B9D1: variants seen among roughly 807,000 people sequenced by gnomAD.
B9D1 encodes the protein B9 domain-containing protein 1.
B9D1 carries 20 observed loss-of-function variants against 26.1 expected under a neutral mutation model. That is an observed-to-expected ratio of 0.77 (90% CI 0.54 to 1.12). The LOEUF is 1.12. Among genes scored for constraint, B9D1 ranks in the 50% most tolerant of loss-of-function variants. The pLI, the probability that B9D1 is intolerant of heterozygous loss-of-function variation, is 0.00. For missense variants in B9D1, 260 were observed against 273.7 expected, an observed-to-expected ratio of 0.95 and a Z score of 0.35; for synonymous variants, 105 against 103.1, an observed-to-expected ratio of 1.02 and a Z score of -0.11.
At chr17:19,337,641 G>C (rs371538369), downstream of B9D1, 4 of 1,374,458 alleles carry the variant, frequency 2.9e-6, no homozygotes, top group East Asian at 2.5e-5. Context: ...ACATCTCCAG[G>C]TCTCAGCGGC....
At chr17:19,346,578 G>T (rs1263969383) in intron 5 of B9D1, among the ~76,000 whole-genome samples, 1 of 152,216 alleles carries the variant, frequency 6.6e-6, no homozygotes, top group African/African-American at 2.4e-5. Flanking sequence ...GGCCCTCTAA[G>T]CTCCCACTTG....
intron 3 of B9D1, among the ~76,000 whole-genome samples, chr17:19,355,874 TCA>T (rs1457657710): frequency 1.3e-5 from 2 of 152,264 alleles, no homozygotes; most frequent in Admixed American, 6.5e-5. Flanking sequence ...GCCATAATTC[TCA>T]GTCTGTTTTA....
chr17:19,343,024 CCTG>C, downstream of B9D1: 2 of 1,237,780 alleles, frequency 1.6e-6, no homozygotes, highest in Non-Finnish European at 2.1e-6. Context: ...CACATGCCAT[CCTG>C]CTGCACGGTC....
At chr17:19,354,648 T>A (rs1338606760) in intron 3 of B9D1, among the ~76,000 whole-genome samples, 1 of 151,948 alleles carries the variant, frequency 6.6e-6, no homozygotes, top group Non-Finnish European at 1.5e-5. Flanking sequence ...GCCAAAATGG[T>A]GAAACCCCAT....
chr17:19,350,289 T>C (rs945016336), intron 3 of B9D1, among the ~76,000 whole-genome samples: 7 of 152,086 alleles, frequency 4.6e-5, no homozygotes, highest in Non-Finnish European at 1.0e-4. Flanking sequence ...CTCACACCTG[T>C]AATCCCAGCA....
At chr17:19,344,497 T>C (rs2152254956) in intron 5 of B9D1, 2 of 278,208 alleles carry the variant, frequency 7.2e-6, no homozygotes, top group South Asian at 2.8e-5. Context: ...GCCGGGGGTG[T>C]CAGGCCCCGC....
At chr17:19,337,554 C>A, downstream of B9D1, 2 of 620,214 alleles carry the variant, frequency 3.2e-6, no homozygotes, top group South Asian at 2.0e-5. Flanking sequence ...GGACTGGTGG[C>A]AGGGGGTGCC....
intron 3 of B9D1, among the ~76,000 whole-genome samples, chr17:19,352,969 T>C (rs1406418951): frequency 1.8e-4 from 26 of 147,652 alleles, no homozygotes; most frequent in African/African-American, 6.5e-4. Flanking sequence ...CACACAGCCT[T>C]CTTTTACTAC....
At chr17:19,362,387 A>G in intron 1 of B9D1, 120 bp downstream of exon 1, 1 of 729,256 alleles carries the variant, frequency 1.4e-6, no homozygotes, top group Non-Finnish European at 2.2e-6. Context: ...CCCCCGCCTA[A>G]CCGAGAGGCT....
At chr17:19,343,009 C>T (rs949166978), downstream of B9D1, 1 of 1,104,402 alleles carries the variant, frequency 9.1e-7, no homozygotes, top group Non-Finnish European at 1.2e-6. Context: ...TCAAAGCTCC[C>T]ATCCCACATG....
downstream of B9D1, chr17:19,335,640 G>A (rs974541574): frequency 2.1e-6 from 1 of 478,230 alleles, no homozygotes; most frequent in South Asian, 6.7e-5. Flanking sequence ...AGGGACCAGG[G>A]CTGGCCCTGA....
At chr17:19,362,882 A>C (rs113637895), upstream of B9D1, 7,516 of 513,976 alleles carry the variant, frequency 0.015, 76 homozygotes, top group Non-Finnish European at 0.02. Context: ...ACTCAGTTGC[A>C]CGCGCAGGGA....
chr17:19,360,393 A>G lies in B9D1; in HGVS notation c.64-5T>C, dbSNP rs1910896502. 3.7e-6 allele frequency: 6 copies of G among 1,613,574 alleles called. No individual in the cohort carries two copies. The South Asian group carries it at 6.6e-5, about 18-fold the overall frequency. Reference sequence around the variant, plus strand: ...GAGGTCATCATACTCTGGAAACTGAAAAAAGCACAGACAGATTCTGTCGAC... The same window carrying G: ...GAGGTCATCATACTCTGGAAACTGAGAAAAGCACAGACAGATTCTGTCGAC... On this transcript the variant is annotated splice_region_variant and splice_polypyrimidine_tract_variant and intron_variant, in intron 1 of 6. Transcript: ENST00000261499.
At chr17:19,337,235 CT>C (rs2058732553), downstream of B9D1, among the ~76,000 whole-genome samples, 1 of 83,396 alleles carries the variant, frequency 1.2e-5, no homozygotes, top group Non-Finnish European at 2.6e-5. Flanking sequence ...TCTTAGGTGG[CT>C]TGCTGTGCAA....
At chr17:19,335,519 T>C, downstream of B9D1, 5 of 1,518,230 alleles carry the variant, frequency 3.3e-6, no homozygotes, top group South Asian at 6.2e-5. Flanking sequence ...AGGCTAAAGA[T>C]GGGGATAATG....
downstream of B9D1, chr17:19,343,155 A>C (rs1908172693): frequency 4.2e-6 from 6 of 1,443,656 alleles, no homozygotes; most frequent in Admixed American, 1.1e-4. Context: ...ACAGGAGAGA[A>C]GGCAGCCCCA....
Position 19,343,445 on chromosome 17 carries a change from A to G in B9D1, c.489T>C (p.Ser163=), listed in dbSNP as rs1908233144. ...GEGREVTRVR[S]QGFVTLLFNV... Reference sequence around the variant, plus strand: ...TGAAGAGGAGGGTGACAAAGCCCTGAGAACGGACACGGGTCACTGGGGACA... The same window carrying G: ...TGAAGAGGAGGGTGACAAAGCCCTGGGAACGGACACGGGTCACTGGGGACA... Residue 163 remains serine, a synonymous_variant, in exon 7 of 7, where the codon TCT becomes TCC. Coordinates refer to ENST00000261499, the MANE Select transcript of B9D1 (RefSeq NM_015681.6). 2 of 1,614,084 alleles carry G rather than the reference A, an allele frequency of 1.2e-6. No individual in the cohort carries two copies. Among genetic ancestry groups the G allele is most frequent in the South Asian group, 2.2e-5 (2 of 91,086 alleles).
At chr17:19,351,346 CT>C (rs547424647) in intron 3 of B9D1, among the ~76,000 whole-genome samples, 1 of 152,048 alleles carries the variant, frequency 6.6e-6, no homozygotes, top group Non-Finnish European at 1.5e-5. Flanking sequence ...TTATATTATC[CT>C]TTTTTTATCT....
upstream of B9D1, chr17:19,363,083 G>A (rs1372574671): frequency 5.4e-6 from 1 of 184,670 alleles, no homozygotes; most frequent in Non-Finnish European, 1.2e-5. Context: ...CAGAGCACGG[G>A]CGACGTGACC....
Sources: gnomAD v4.1 joint callset for allele counts (sites outside exome capture counted in the v4.1 genomes callset) on GRCh38, gnomAD v4.1.1 for gene constraint, MANE v1.5 for transcripts, NCBI Gene and HGNC (gene_info 2026-07-23, HGNC 2026-07-21) for gene names.